The following TRPC5 variants were observed in gnomAD, a reference collection of about 807,000 sequenced individuals.
TRPC5 encodes the protein transient receptor potential cation channel subfamily C member 5.
A neutral mutation model predicts 56.5 loss-of-function variants in TRPC5; 9 were observed. The ratio of observed to expected loss-of-function variants is 0.16; its 90% CI spans 0.10 to 0.28. The LOEUF (loss-of-function observed/expected upper bound fraction) is 0.28. Among genes scored for constraint, TRPC5 ranks in the 10% least tolerant of loss-of-function variants. The pLI is 1.00. For synonymous variants in TRPC5, 282 were observed against 278.5 expected (o/e 1.01, Z -0.13); for missense variants, 469 against 748.9 (o/e 0.63, Z 4.36).
chrX:111,915,364 A>G (rs1925944633), intron 2 of TRPC5, among the ~76,000 whole-genome samples: 1 of 111,767 alleles, frequency 8.9e-6, no homozygotes, highest in African/African-American at 3.3e-5. Context: ...AAACTGGTCT[A>G]CAGTGACCAA....
In TRPC5 at chrX:111,952,092, C is replaced by T. The variant is rs185834452; in HGVS notation, c.329G>A (p.Gly110Asp). 1.7e-6 allele frequency: 2 copies of T among 1,210,441 alleles called. No individual in the cohort carries two copies. Among genetic ancestry groups the T allele is most frequent in the African/African-American group, 3.5e-5 (2 of 57,357 alleles). Residue 110 changes from glycine (G) to aspartate (D), a missense_variant, in exon 2 of 11, where the codon GGC becomes GAC. Around this residue, in one of 3 missense-constraint regions of TRPC5, gnomAD observed 118 missense variants for 167.1 expected, o/e 0.71. Transcript: ENST00000262839. ...LLYAIRKEVVGAVELLLSYRR... is the reference protein window; with the variant it reads ...LLYAIRKEVVDAVELLLSYRR... ...GTAGCTGAGCAGAAGCTCCACAGCG[C>T]CCACCACTTCCTTGCGTATGGCATA...
intron 1 of TRPC5, among the ~76,000 whole-genome samples, chrX:111,989,673 C>A (rs781314201): frequency 1.8e-5 from 2 of 111,915 alleles, no homozygotes; most frequent in South Asian, 7.5e-4. Flanking sequence ...ATGCAGTTCT[C>A]TCTCCATAAA....
At chrX:111,840,002 C>T (rs978188650) in intron 6 of TRPC5, among the ~76,000 whole-genome samples, 1 of 111,499 alleles carries the variant, frequency 9.0e-6, no homozygotes, top group African/African-American at 3.3e-5. Context: ...AACCCCATCT[C>T]TACTAAAAAT....
At chrX:111,825,887 G>A (rs1018171379) in intron 7 of TRPC5, among the ~76,000 whole-genome samples, 2 of 111,591 alleles carry the variant, frequency 1.8e-5, no homozygotes, top group African/African-American at 6.5e-5. Context: ...GGATGGGATG[G>A]GGAAGAAATA....
chrX:112,002,802 G>A (rs2148660157), intron 1 of TRPC5, among the ~76,000 whole-genome samples: 1 of 112,182 alleles, frequency 8.9e-6, no homozygotes, highest in Non-Finnish European at 1.9e-5. Context: ...AATATATTTA[G>A]GATTGGGAGC....
intron 2 of TRPC5, among the ~76,000 whole-genome samples, chrX:111,942,068 T>C (rs1305001403): frequency 8.9e-6 from 1 of 112,150 alleles, no homozygotes; most frequent in Non-Finnish European, 1.9e-5. Flanking sequence ...TACACTGCCA[T>C]TCTGAGTTTC....
chrX:112,005,255 AATG>A (rs1038498316), intron 1 of TRPC5, among the ~76,000 whole-genome samples: 27 of 109,881 alleles, frequency 2.5e-4, no homozygotes, highest in African/African-American at 8.3e-4. Context: ...GTGGGAGCTA[AATG>A]ATGAGAACAC....
At chrX:111,823,754 T>C (rs1012006403) in intron 7 of TRPC5, among the ~76,000 whole-genome samples, 2 of 111,006 alleles carry the variant, frequency 1.8e-5, no homozygotes, top group African/African-American at 6.6e-5. Flanking sequence ...AGGATCCTTC[T>C]GGTTAGGACC....
At chrX:111,805,277 A>G (rs1381135123) in intron 7 of TRPC5, among the ~76,000 whole-genome samples, 2 of 111,998 alleles carry the variant, frequency 1.8e-5, no homozygotes, top group Non-Finnish European at 3.8e-5. Context: ...GGATTTTTGC[A>G]TCAATGTTCA....
chrX:111,794,837 C>G (rs926510253), intron 7 of TRPC5, among the ~76,000 whole-genome samples: 5 of 111,404 alleles, frequency 4.5e-5, no homozygotes, highest in African/African-American at 1.6e-4. Flanking sequence ...CCCAAAGGCC[C>G]CATCTAATAC....
chrX:111,951,961 C>T, intron 2 of TRPC5, 82 bp downstream of exon 2: 3 of 1,132,979 alleles, frequency 2.6e-6, no homozygotes, highest in South Asian at 4.3e-5. Context: ...TCCAGACCAC[C>T]TAACCTTCCC....
chrX:111,772,450 T>C lies in TRPC5; in HGVS notation c.*3863A>G, dbSNP rs1945848704. ...TTCTTAGGTACCTTTATTTATTTAT[T>C]TTTGAGACAGTCTCGCTCTGCCGCC... On this transcript the variant is annotated 3_prime_UTR_variant, in exon 11 of 11. Transcript: ENST00000262839. Among the ~76,000 whole-genome samples, 1 of 111,761 alleles carries C rather than the reference T, an allele frequency of 8.9e-6. No individual in the cohort carries two copies. Among genetic ancestry groups the C allele is most frequent in the Non-Finnish European group, 1.9e-5 (1 of 53,194 alleles).
At chrX:111,950,279 C>T (rs1365890501) in intron 2 of TRPC5, among the ~76,000 whole-genome samples, 11 of 109,448 alleles carry the variant, frequency 1.0e-4, no homozygotes, top group African/African-American at 3.0e-4. Context: ...GAGCCGAGAT[C>T]GCACCACTGC....
At chrX:111,948,183 G>GT (rs987430151) in intron 2 of TRPC5, among the ~76,000 whole-genome samples, 21 of 109,392 alleles carry the variant, frequency 1.9e-4, no homozygotes, top group African/African-American at 6.0e-4. Context: ...TGATGATTTA[G>GT]TTTTTTTTTG....
In TRPC5 at chrX:111,773,462, A is replaced by G. The variant is rs144620729; in HGVS notation, c.*2851T>C. Among the ~76,000 whole-genome samples, 588 of 111,842 alleles carry G rather than the reference A, an allele frequency of 5.3e-3. 2 individuals carry two copies. The highest frequency in any genetic ancestry group is 0.018 in the African/African-American group (543 of 30,821). On this transcript the variant is annotated 3_prime_UTR_variant, in exon 11 of 11. Coordinates refer to ENST00000262839, the MANE Select transcript of TRPC5 (RefSeq NM_012471.3). The stretch of plus-strand genomic sequence containing the variant: ...TAGATAAGTAGTAAATGATTTTTGT[A>G]TTATTTGTGTTTGACTTTGCAGTAC...
At chrX:111,949,339 G>A (rs892353245) in intron 2 of TRPC5, among the ~76,000 whole-genome samples, 5 of 112,085 alleles carry the variant, frequency 4.5e-5, no homozygotes, top group Non-Finnish European at 9.4e-5. Context: ...TAAATTGCTG[G>A]AACTTAATTA....
At chrX:112,009,898 C>G (rs963646854) in intron 1 of TRPC5, among the ~76,000 whole-genome samples, 1 of 110,932 alleles carries the variant, frequency 9.0e-6, no homozygotes, top group African/African-American at 3.3e-5. Flanking sequence ...CTAATGTAAA[C>G]GACGAGTTAA....
At chrX:111,798,261 G>GT (rs2148558705) in intron 7 of TRPC5, among the ~76,000 whole-genome samples, 1 of 112,100 alleles carries the variant, frequency 8.9e-6, no homozygotes, top group South Asian at 3.6e-4. Flanking sequence ...GAAATTAACT[G>GT]TAATACATAC....
intron 7 of TRPC5, among the ~76,000 whole-genome samples, chrX:111,812,094 T>A (rs1283570370): frequency 9.7e-6 from 1 of 103,604 alleles, no homozygotes; most frequent in East Asian, 2.8e-4. Flanking sequence ...CTAGATGTCT[T>A]GGTATCTGGA....
Sources: gnomAD v4.1 joint callset for allele counts (sites outside exome capture counted in the v4.1 genomes callset) on GRCh38, gnomAD v4.1.1 for gene constraint, gnomAD v4.1.1 regional missense constraint, MANE v1.5 for transcripts, NCBI Gene and HGNC (gene_info 2026-07-23, HGNC 2026-07-21) for gene names.